Variants in CRLF3 observed in about 807,000 individuals in gnomAD.
CRLF3 encodes the protein cytokine receptor like factor 3, also known as cytokine receptor-like factor 3.
CRLF3 carries 33 observed loss-of-function variants against 55.0 expected under a neutral mutation model. That is an observed-to-expected ratio of 0.60 (90% CI 0.46 to 0.80). CRLF3 has a LOEUF of 0.80. CRLF3 is among the 30% of genes least tolerant of loss of function. The pLI, the probability that CRLF3 is intolerant of heterozygous loss-of-function variation, is 0.00. For missense variants in CRLF3, 494 were observed against 538.4 expected, an observed-to-expected ratio of 0.92 and a Z score of 0.82; for synonymous variants, 238 against 196.8, an observed-to-expected ratio of 1.21 and a Z score of -1.75.
intron 6 of CRLF3, among the ~76,000 whole-genome samples, chr17:30,788,356 A>G (rs1465679189): frequency 6.8e-6 from 1 of 147,588 alleles, no homozygotes; most frequent in Non-Finnish European, 1.5e-5. Context: ...AAAGAAAAGA[A>G]AGAAGGAAAC....
At chr17:30,790,301 G>A (rs1661199629) in intron 6 of CRLF3, among the ~76,000 whole-genome samples, 1 of 152,178 alleles carries the variant, frequency 6.6e-6, no homozygotes, top group African/African-American at 2.4e-5. Context: ...TGAGTATGGT[G>A]AAAATCAGGC....
chr17:30,817,176 G>A (rs1355330397), intron 1 of CRLF3, among the ~76,000 whole-genome samples: 3 of 152,074 alleles, frequency 2.0e-5, no homozygotes, highest in African/African-American at 7.2e-5. Flanking sequence ...AGTGGCTCAC[G>A]CTTGTAATCC....
chr17:30,815,258 G>T (rs561736837), intron 1 of CRLF3, among the ~76,000 whole-genome samples: 2 of 151,522 alleles, frequency 1.3e-5, no homozygotes, highest in South Asian at 2.1e-4. Flanking sequence ...GCTAATTTTT[G>T]AATTTTTAGT....
In CRLF3 at chr17:30,784,150, G is replaced by C. The variant is rs927720567; in HGVS notation, c.*37C>G. 6.3e-7 allele frequency: 1 copy of C among 1,594,552 alleles called. No homozygotes were observed. Among genetic ancestry groups the C allele is most frequent in the Admixed American group, 1.7e-5 (1 of 57,946 alleles). Reference sequence around the variant, plus strand: ...ACTACGCTGGGCTGAGGACAGCTACGTTAGACCCTGAAAACCAAAGCCAAG... The same window carrying C: ...ACTACGCTGGGCTGAGGACAGCTACCTTAGACCCTGAAAACCAAAGCCAAG... On this transcript the variant is annotated 3_prime_UTR_variant, in exon 8 of 8. Transcript: ENST00000324238.
chr17:30,789,427 A>G (rs772208875), intron 6 of CRLF3, among the ~76,000 whole-genome samples: 2 of 152,228 alleles, frequency 1.3e-5, no homozygotes, highest in African/African-American at 2.4e-5. Flanking sequence ...GCAGGAGAGC[A>G]TCAGATCAAG....
chr17:30,786,799 C>G (rs1025123883), intron 6 of CRLF3: 1 of 152,636 alleles, frequency 6.6e-6, no homozygotes, highest in African/African-American at 2.4e-5. Context: ...CTCCCTGGTT[C>G]AAGCGATTCT....
At chr17:30,791,631 C>T (rs758651812) in intron 6 of CRLF3, among the ~76,000 whole-genome samples, 4 of 151,382 alleles carry the variant, frequency 2.6e-5, no homozygotes, top group Non-Finnish European at 5.9e-5. Context: ...CATTCTCCTG[C>T]CTCAGCCTCC....
At chr17:30,819,572 G>A (rs1344717084) in intron 1 of CRLF3, among the ~76,000 whole-genome samples, 8 of 152,238 alleles carry the variant, frequency 5.3e-5, no homozygotes, top group Middle Eastern at 3.4e-3. Flanking sequence ...CCGCCTGCCC[G>A]GCTCAAGCAA....
intron 6 of CRLF3, among the ~76,000 whole-genome samples, chr17:30,789,468 A>T (rs1240653600): frequency 6.6e-6 from 1 of 152,224 alleles, no homozygotes; most frequent in African/African-American, 2.4e-5. Flanking sequence ...TAAAAGTTAA[A>T]GAGCTAAGGA....
At chr17:30,819,064 G>A (rs1904906300) in intron 1 of CRLF3, among the ~76,000 whole-genome samples, 1 of 151,930 alleles carries the variant, frequency 6.6e-6, no homozygotes, top group Non-Finnish European at 1.5e-5. Flanking sequence ...TGATCCACCC[G>A]CCTCGGCCTC....
In CRLF3 at chr17:30,785,905, T is replaced by TGTACTAATTTGTACTAATTTGTACTA; in HGVS notation, c.1072+13_1072+14insTAGTACAAATTAGTACAAATTAGTAC. 1 of 1,330,512 alleles carries TGTACTAATTTGTACTAATTTGTACTA rather than the reference T, an allele frequency of 7.5e-7. No homozygotes were observed. Among genetic ancestry groups the TGTACTAATTTGTACTAATTTGTACTA allele is most frequent in the Non-Finnish European group, 1.1e-6 (1 of 928,646 alleles). The allele number at this position is 1,330,512 out of a possible 1,614,324, so 82.4% of individuals were successfully genotyped here. The stretch of plus-strand genomic sequence containing the variant: ...AATATATTTCCAAGAGAATGACAGT[T>TGTACTAATTTGTACTAATTTGTACTA]ATTTATCTCTTACCATTTGTACTAA... On this transcript the variant is annotated intron_variant, in intron 7 of 7. Coordinates refer to ENST00000324238, the MANE Select transcript of CRLF3 (RefSeq NM_015986.4).
In CRLF3 at chr17:30,792,425, T is replaced by G. The variant is rs757074122; in HGVS notation, c.959+15A>C. On this transcript the variant is annotated intron_variant, in intron 6 of 7. Transcript: ENST00000324238. ...TGCTTCCTGAGGCAGGTGAGATGTT[T>G]TAATATCTACTTGCCTGAATGTTAA... is the stretch of plus-strand genomic sequence containing the variant. 2 of 1,597,748 alleles carry G rather than the reference T, an allele frequency of 1.3e-6. No homozygotes were observed. Among genetic ancestry groups the G allele is most frequent in the South Asian group, 2.2e-5 (2 of 90,532 alleles).
intron 2 of CRLF3, among the ~76,000 whole-genome samples, chr17:30,800,635 T>C (rs1971992408): frequency 1.3e-5 from 2 of 152,128 alleles, no homozygotes; most frequent in African/African-American, 4.8e-5. Context: ...TGTCTTGTTT[T>C]TTTGTTTTTA....
At chr17:30,784,627 T>C (rs747851156) in intron 7 of CRLF3, 184 bp from the exon 8 acceptor site, 50 of 535,378 alleles carry the variant, frequency 9.3e-5, no homozygotes, top group Non-Finnish European at 1.5e-4. Flanking sequence ...GACTATGAGT[T>C]TCCCATATCA....
chr17:30,787,632 A>C (rs1032285651), intron 6 of CRLF3: 1 of 152,234 alleles, frequency 6.6e-6, no homozygotes, highest in African/African-American at 2.4e-5. Flanking sequence ...TGATTGTGAA[A>C]TAGCAAACAT....
At chr17:30,788,327 A>G (rs937444605) in intron 6 of CRLF3, among the ~76,000 whole-genome samples, 8 of 142,792 alleles carry the variant, frequency 5.6e-5, no homozygotes, top group African/African-American at 1.9e-4. Context: ...CTTTGTCTCA[A>G]AAAAAAAAAA....
At chr17:30,803,692 C>T (rs1972041343) in intron 2 of CRLF3, 1 of 562,328 alleles carries the variant, frequency 1.8e-6, no homozygotes, top group African/African-American at 1.9e-5. Context: ...GGGGAAACCC[C>T]TTTCGCTTGG....
At chr17:30,791,419 C>G (rs754501179) in intron 6 of CRLF3, among the ~76,000 whole-genome samples, 2 of 151,786 alleles carry the variant, frequency 1.3e-5, no homozygotes, top group South Asian at 2.1e-4. Context: ...GTTGACCAGG[C>G]TGGTCTCGAA....
In CRLF3 at chr17:30,793,585, C is replaced by T. The variant is rs1971857828; in HGVS notation, c.691G>A (p.Glu231Lys). Residue 231 changes from glutamate to lysine, a missense_variant, in exon 5 of 8, where the codon GAA (glutamate) becomes AAA (lysine). Transcript: ENST00000324238. Reference protein sequence around the residue: ...NHFEDVYVGSETEFIVLHIDP... With the variant: ...NHFEDVYVGSKTEFIVLHIDP... Reference sequence around the variant, plus strand: ...ATGTGCAATACTATGAATTCAGTTTCAGAACCTACATATACATCCTCAAAA... The same window carrying T: ...ATGTGCAATACTATGAATTCAGTTTTAGAACCTACATATACATCCTCAAAA... The T allele has an allele frequency of 6.2e-7, 1 of 1,613,888 alleles. No homozygotes were observed. Among genetic ancestry groups the T allele is most frequent in the Non-Finnish European group, 8.5e-7 (1 of 1,179,950 alleles).
Sources: gnomAD v4.1 joint callset for allele counts (sites outside exome capture counted in the v4.1 genomes callset) on GRCh38, gnomAD v4.1.1 for gene constraint, MANE v1.5 for transcripts, NCBI Gene and HGNC (gene_info 2026-07-23, HGNC 2026-07-21) for gene names.